KCNQ5: variants seen among roughly 807,000 people sequenced by gnomAD.
KCNQ5 encodes the protein potassium voltage-gated channel subfamily KQT member 5.
In KCNQ5, 30 loss-of-function variants were observed where a neutral mutation model predicts 98.2. The ratio of observed to expected loss-of-function variants is 0.31; its 90% confidence interval spans 0.23 to 0.41. The LOEUF (loss-of-function observed/expected upper bound fraction) is 0.41, where lower values mean the gene tolerates loss of function less well. Ranked by LOEUF, KCNQ5 falls within the 10% of genes least tolerant of loss-of-function variation. The probability of loss-of-function intolerance (pLI) is 1.00; values close to 1 mark genes in which losing one functional copy is unlikely to be tolerated. For synonymous variants in KCNQ5, 458 were observed against 449.4 expected (o/e 1.02, Z -0.24); for missense variants, 835 against 1,182.5 (o/e 0.71, Z 4.31).
intron 2 of KCNQ5, among the ~76,000 whole-genome samples, chr6:73,035,832 T>A (rs1175073109): frequency 1.3e-5 from 2 of 152,208 alleles, no homozygotes; most frequent in Non-Finnish European, 2.9e-5. Context: ...CATGCAGTTG[T>A]AAGATATAGT....
At chr6:72,827,034 T>C (rs2150119827) in intron 1 of KCNQ5, among the ~76,000 whole-genome samples, 1 of 152,284 alleles carries the variant, frequency 6.6e-6, no homozygotes, top group South Asian at 2.1e-4. Flanking sequence ...GTTCCATCTA[T>C]GTTGCTATGA....
intron 9 of KCNQ5, among the ~76,000 whole-genome samples, chr6:73,131,206 A>C (rs9293922): frequency 0.028 from 4,268 of 152,228 alleles, 211 homozygotes; most frequent in African/African-American, 0.097. Context: ...GGTGGATTGA[A>C]TGCTAATACT....
intron 1 of KCNQ5, among the ~76,000 whole-genome samples, chr6:72,869,625 G>C (rs780154547): frequency 2.0e-5 from 3 of 152,108 alleles, no homozygotes; most frequent in Non-Finnish European, 4.4e-5. Context: ...TTGATATTCA[G>C]TCACGTCAAG....
rs902884947 is a variant in KCNQ5, at chr6:73,154,076, C to CT, written c.1469-15662dup. Among the ~76,000 whole-genome samples the CT allele has an allele frequency of 1.2e-4, 18 of 151,384 alleles. No individual in the cohort carries two copies. In the East Asian group the frequency reaches 2.3e-3, roughly 20 times the overall value. On this transcript the variant is annotated intron_variant, in intron 10 of 13. Coordinates refer to ENST00000370398, the MANE Select transcript of KCNQ5 (RefSeq NM_019842.4). ...TGCTGCAGATATGGATACCTAGAGG[C>CT]TTTTTTTTCAATAAAAACTAATTTT...
At chr6:72,833,184 G>T (rs952494624) in intron 1 of KCNQ5, among the ~76,000 whole-genome samples, 2 of 152,126 alleles carry the variant, frequency 1.3e-5, no homozygotes, top group African/African-American at 2.4e-5. Flanking sequence ...TCTCTGTGTG[G>T]CATTTTAGGA....
chr6:72,655,994 T>C (rs1297845369), intron 1 of KCNQ5, among the ~76,000 whole-genome samples: 1 of 152,182 alleles, frequency 6.6e-6, no homozygotes, highest in Non-Finnish European at 1.5e-5. Flanking sequence ...ATCCAAAGTT[T>C]ACATCTGTAT....
chr6:72,802,509 C>T (rs1254143226), intron 1 of KCNQ5, among the ~76,000 whole-genome samples: 2 of 152,136 alleles, frequency 1.3e-5, no homozygotes, highest in African/African-American at 4.8e-5. Flanking sequence ...TAACCATTGA[C>T]TCAGCTTTGT....
In KCNQ5 at chr6:73,196,668, A is replaced by G. The variant is rs2150529458; in HGVS notation, c.*1254A>G. 6.6e-6 allele frequency: 1 copy of G among 152,310 alleles called. No individual in the cohort carries two copies. Among genetic ancestry groups the G allele is most frequent in the South Asian group, 2.1e-4 (1 of 4,826 alleles). The allele number at this position is 152,310 out of a possible 1,614,324, so 9.4% of individuals were successfully genotyped here. ...TTCCTTTACTTTTTATACTGTAGTG[A>G]AAATTTTCTATTCTTCCCAAGAATG... On this transcript the variant is annotated 3_prime_UTR_variant, in exon 14 of 14. Transcript: ENST00000370398.
chr6:73,075,267 G>A (rs1773480893), intron 3 of KCNQ5, among the ~76,000 whole-genome samples: 1 of 150,612 alleles, frequency 6.6e-6, no homozygotes, highest in Non-Finnish European at 1.5e-5. Context: ...TCTGTCGCTA[G>A]GCTGGAGTGC....
chr6:72,754,760 A>G (rs539123185), intron 1 of KCNQ5, among the ~76,000 whole-genome samples: 15 of 152,222 alleles, frequency 9.9e-5, no homozygotes, highest in African/African-American at 3.6e-4. Flanking sequence ...ACATGAAAAC[A>G]ATGTTTATCC....
At chr6:72,634,980 G>A (rs17748888) in intron 1 of KCNQ5, among the ~76,000 whole-genome samples, 5,871 of 151,452 alleles carry the variant, frequency 0.039, 125 homozygotes, top group Middle Eastern at 0.13. Flanking sequence ...CTACTAGTTC[G>A]TATTGCGTAG....
intron 9 of KCNQ5, among the ~76,000 whole-genome samples, chr6:73,125,746 C>T (rs902630271): frequency 6.6e-6 from 1 of 152,042 alleles, no homozygotes; most frequent in Non-Finnish European, 1.5e-5. Context: ...GAGATAGGCA[C>T]GATAGGATAT....
At chr6:72,710,370 A>G (rs1187409381) in intron 1 of KCNQ5, among the ~76,000 whole-genome samples, 1 of 152,214 alleles carries the variant, frequency 6.6e-6, no homozygotes, top group Non-Finnish European at 1.5e-5. Flanking sequence ...ATCAAAAGGC[A>G]TAGAGTGGAT....
chr6:72,765,661 G>A (rs1287526235), intron 1 of KCNQ5, among the ~76,000 whole-genome samples: 2 of 152,006 alleles, frequency 1.3e-5, no homozygotes, highest in Non-Finnish European at 2.9e-5. Context: ...CTGAGAAATA[G>A]GCAGGAGGCA....
In KCNQ5 at chr6:72,745,451, G is replaced by A. The variant is rs796204019; in HGVS notation, c.398+122864G>A. ...CAATCATTCAGGATTGTCAGTAACG[G>A]CAGCAATCAAGGCTAGAATCAGAGT... On this transcript the variant is annotated intron_variant, in intron 1 of 13. Transcript: ENST00000370398. Among the ~76,000 whole-genome samples the A allele has an allele frequency of 9.9e-4, 150 of 152,282 alleles. 1 individual carries two copies. Among genetic ancestry groups the A allele is most frequent in the African/African-American group, 3.4e-3 (142 of 41,556 alleles).
chr6:72,967,071 G>C (rs1767654629), intron 1 of KCNQ5, among the ~76,000 whole-genome samples: 1 of 152,130 alleles, frequency 6.6e-6, no homozygotes, highest in African/African-American at 2.4e-5. Context: ...TTTAGCATTG[G>C]ATCCCTTCAG....
chr6:72,753,703 A>G (rs1437342470), intron 1 of KCNQ5, among the ~76,000 whole-genome samples: 1 of 152,118 alleles, frequency 6.6e-6, no homozygotes. Flanking sequence ...ATCTTTTCAC[A>G]TGATGTTTGC....
chr6:72,871,986 C>G (rs996724661), intron 1 of KCNQ5, among the ~76,000 whole-genome samples: 5 of 152,088 alleles, frequency 3.3e-5, no homozygotes, highest in African/African-American at 1.2e-4. Context: ...GAACAAGAAA[C>G]AAAAACAAAG....
intron 1 of KCNQ5, among the ~76,000 whole-genome samples, chr6:72,838,806 C>T (rs1396793061): frequency 2.7e-5 from 4 of 150,688 alleles, no homozygotes; most frequent in South Asian, 2.1e-4. Flanking sequence ...AAAAATTAGC[C>T]GGGCGTGGTA....
Sources: allele counts gnomAD v4.1 joint callset (sites outside exome capture counted in the v4.1 genomes callset), GRCh38; gene constraint gnomAD v4.1.1; transcripts MANE v1.5; gene names NCBI Gene and HGNC (gene_info 2026-07-23, HGNC 2026-07-21).